The following NFIB variants were observed in gnomAD, a reference collection of about 807,000 sequenced individuals.
The protein encoded by NFIB is nuclear factor 1 B-type.
A neutral mutation model predicts 61.5 loss-of-function variants in NFIB; 11 were observed. The observed-to-expected ratio is 0.18, with a 90% CI of 0.11 to 0.30. The LOEUF (loss-of-function observed/expected upper bound fraction) is 0.30. Among genes scored for constraint, NFIB ranks in the 10% least tolerant of loss-of-function variants. The pLI, the probability that NFIB is intolerant of heterozygous loss-of-function variation, is 1.00. For missense variants in NFIB, 471 were observed against 608.9 expected (o/e 0.77, Z 2.38); for synonymous variants, 260 against 216.5 (o/e 1.20, Z -1.76).
intron 2 of NFIB, among the ~76,000 whole-genome samples, chr9:14,193,745 T>C (rs1252989416): frequency 1.3e-5 from 2 of 152,170 alleles, no homozygotes; most frequent in Non-Finnish European, 2.9e-5. Flanking sequence ...TAGAATCACA[T>C]ATGCAAACAG....
intron 4 of NFIB, among the ~76,000 whole-genome samples, chr9:14,152,419 T>C (rs2042965891): frequency 6.6e-6 from 1 of 152,102 alleles, no homozygotes; most frequent in South Asian, 2.1e-4. Flanking sequence ...ATTAGAACCA[T>C]GTTCTATATG....
the NFIB span, among the ~76,000 whole-genome samples, chr9:14,449,497 A>T: frequency 2.6e-5 from 4 of 152,230 alleles, no homozygotes; most frequent in Non-Finnish European, 1.5e-5. Context: ...AAATATTCAA[A>T]TGAGATGGTA....
intron 2 of NFIB, among the ~76,000 whole-genome samples, chr9:14,303,142 A>T (rs193059677): frequency 6.6e-6 from 1 of 152,334 alleles, no homozygotes; most frequent in African/African-American, 2.4e-5. Context: ...ACTAGAGAGG[A>T]AAACTGAAGT....
At chr9:14,142,533 A>G (rs1327947029) in intron 6 of NFIB, among the ~76,000 whole-genome samples, 4 of 152,172 alleles carry the variant, frequency 2.6e-5, no homozygotes, top group Non-Finnish European at 5.9e-5. Context: ...TAGACGAAAA[A>G]CTATGACCTC....
intron 1 of NFIB, among the ~76,000 whole-genome samples, chr9:14,380,090 C>A (rs1377079257): frequency 6.6e-6 from 1 of 152,056 alleles, no homozygotes; most frequent in Non-Finnish European, 1.5e-5. Context: ...AAATAATATA[C>A]AATTTTCTAA....
At chr9:14,197,114 G>A (rs1188553472) in intron 2 of NFIB, among the ~76,000 whole-genome samples, 13 of 152,144 alleles carry the variant, frequency 8.5e-5, no homozygotes, top group Admixed American at 8.5e-4. Flanking sequence ...ACATTACTTT[G>A]CAATCCCGAA....
Position 14,313,362 on chromosome 9 carries a change from A to C in NFIB, c.30+120T>G. The C allele has an allele frequency of 7.0e-7, 1 of 1,422,342 alleles. No homozygotes were observed. Among genetic ancestry groups the C allele is most frequent in the Non-Finnish European group, 9.6e-7 (1 of 1,043,222 alleles). The allele number at this position is 1,422,342 out of a possible 1,614,324, so 88.1% of individuals were successfully genotyped here. On this transcript the variant is annotated intron_variant, in intron 1 of 10. Coordinates refer to ENST00000380953, the MANE Select transcript of NFIB (RefSeq NM_001190737.2). The surrounding 1 kb of genome is among the most constrained non-coding windows in gnomAD (Gnocchi z 4.5). ...GCGACGCCCGCTGCAACTCCGGGCC[A>C]CTTCTCCAAGGGACGGGGATGTGCG...
At chr9:14,188,071 C>T (rs1017863217) in intron 2 of NFIB, among the ~76,000 whole-genome samples, 7 of 152,150 alleles carry the variant, frequency 4.6e-5, no homozygotes, top group African/African-American at 1.4e-4. Flanking sequence ...TCAGGATCAC[C>T]TACAGTTCTT....
At chr9:14,263,865 T>C (rs1588010831) in intron 2 of NFIB, among the ~76,000 whole-genome samples, 2 of 152,334 alleles carry the variant, frequency 1.3e-5, no homozygotes, top group African/African-American at 2.4e-5. Flanking sequence ...CAGTTACTTA[T>C]CCTCCTCGTA....
At chr9:14,096,964 G>A (rs1346558416) in intron 10 of NFIB, among the ~76,000 whole-genome samples, 2 of 152,204 alleles carry the variant, frequency 1.3e-5, no homozygotes, top group Admixed American at 1.3e-4. Context: ...AGGAAATGTC[G>A]TGTTGTACAA....
the NFIB span, among the ~76,000 whole-genome samples, chr9:14,409,982 T>G: frequency 1.3e-5 from 2 of 152,194 alleles, no homozygotes; most frequent in African/African-American, 4.8e-5. Context: ...TCACCCAAAC[T>G]TTAGTACTAC....
the NFIB span, among the ~76,000 whole-genome samples, chr9:14,470,539 T>G: frequency 2.0e-5 from 3 of 152,180 alleles, no homozygotes; most frequent in Admixed American, 6.5e-5. Context: ...ATCTCTGGAC[T>G]AATTAACAAT....
At chr9:14,478,590 T>C in the NFIB span, among the ~76,000 whole-genome samples, 75,440 of 152,016 alleles carry the variant, frequency 0.5, 18,957 homozygotes, top group Middle Eastern at 0.65. Context: ...ATACATATTA[T>C]TACGCAATTT....
At chr9:14,113,258 C>T (rs947680011) in intron 9 of NFIB, among the ~76,000 whole-genome samples, 177 bp from the exon 10 acceptor site, 2 of 151,944 alleles carry the variant, frequency 1.3e-5, no homozygotes, top group African/African-American at 4.8e-5. Context: ...TAATAATTGA[C>T]TTCAAATCAA....
At chr9:14,484,333 T>C in the NFIB span, among the ~76,000 whole-genome samples, 1 of 152,182 alleles carries the variant, frequency 6.6e-6, no homozygotes, top group African/African-American at 2.4e-5. Flanking sequence ...ACTGAATAGA[T>C]TTAACTCTTT....
chr9:14,525,291 C>G, the NFIB span, among the ~76,000 whole-genome samples: 4 of 152,126 alleles, frequency 2.6e-5, no homozygotes, highest in Non-Finnish European at 5.9e-5. Flanking sequence ...AGTTATAACC[C>G]AGATCATATG....
intron 1 of NFIB, among the ~76,000 whole-genome samples, chr9:14,392,217 C>T (rs1441185382): frequency 6.6e-6 from 1 of 151,974 alleles, no homozygotes; most frequent in African/African-American, 2.4e-5. Flanking sequence ...GGATGTGACC[C>T]TGGGGTAGAA....
At chr9:14,198,124 T>C (rs2048651155) in intron 2 of NFIB, among the ~76,000 whole-genome samples, 1 of 152,138 alleles carries the variant, frequency 6.6e-6, no homozygotes, top group South Asian at 2.1e-4. Flanking sequence ...ATTCCTCAAA[T>C]GGAATTTTTT....
At chr9:14,135,746 TAAGATGTC>T (rs555351773) in intron 6 of NFIB, among the ~76,000 whole-genome samples, 33 of 152,326 alleles carry the variant, frequency 2.2e-4, no homozygotes, top group African/African-American at 6.7e-4. Context: ...TAAGAGGAGA[TAAGATGTC>T]ATCTTCAATT....
Sources: allele counts gnomAD v4.1 joint callset (sites outside exome capture counted in the v4.1 genomes callset), GRCh38; gene constraint gnomAD v4.1.1; non-coding constraint Gnocchi (gnomAD v3.1); transcripts MANE v1.5; gene names NCBI Gene and HGNC (gene_info 2026-07-23, HGNC 2026-07-21).